ZNF823: variants seen among roughly 807,000 people sequenced by gnomAD.
ZNF823 encodes zinc finger protein 823, also known as ZFP 36 for a zinc finger protein.
A neutral mutation model predicts 11.4 loss-of-function variants in ZNF823; 5 were observed. That is an observed-to-expected ratio of 0.44 (90% CI 0.23 to 0.92). ZNF823 has a LOEUF of 0.92. Among genes scored for constraint, ZNF823 ranks in the 40% least tolerant of loss-of-function variants. The probability of loss-of-function intolerance (pLI) is 0.24; values close to 1 mark genes in which losing one functional copy is unlikely to be tolerated. For synonymous variants in ZNF823, 234 were observed against 250.5 expected, an observed-to-expected ratio of 0.93 and a Z score of 0.62; for missense variants, 582 against 738.5, an observed-to-expected ratio of 0.79 and a Z score of 2.46.
chr19:11,734,962 GT>G (rs1487310036), intron 1 of ZNF823, among the ~76,000 whole-genome samples: 14 of 151,962 alleles, frequency 9.2e-5, no homozygotes, highest in African/African-American at 3.4e-4. Flanking sequence ...TTCTAATATT[GT>G]TTGCTCTTCA....
In ZNF823 at chr19:11,732,318, C is replaced by A. The variant is rs865813414; in HGVS notation, c.3+6499G>T. Among the ~76,000 whole-genome samples, 34 of 152,238 alleles carry A rather than the reference C, an allele frequency of 2.2e-4. No individual in the cohort carries two copies. The Middle Eastern group carries it at 0.017, about 76-fold the overall frequency. On this transcript the variant is annotated intron_variant, in intron 1 of 3. Coordinates refer to ENST00000341191, the MANE Select transcript of ZNF823 (RefSeq NM_001080493.4). ...CAGCCGGGACTACAGGCAACTGCCA[C>A]CACGCCCAGCTAATTTTTTTGTATT...
In ZNF823 at chr19:11,738,900, C is replaced by T. The variant is rs941847244; in HGVS notation, c.-81G>A. 5.2e-6 allele frequency: 8 copies of T among 1,527,516 alleles called. No individual in the cohort carries two copies. The highest frequency in any genetic ancestry group is 6.2e-6 in the Non-Finnish European group (7 of 1,133,902). The allele number at this position is 1,527,516 out of a possible 1,614,324, so 94.6% of individuals were successfully genotyped here. A position where few individuals can be genotyped will look rare whatever the true frequency, so the allele number is the denominator to read the frequency against. On this transcript the variant is annotated 5_prime_UTR_variant, in exon 1 of 4. Transcript: ENST00000341191. ...GCGACAGACGCTGATACAGACCTTC[C>T]AGGGCGTCTCTCTCTCAGCGCCAGA... is the stretch of plus-strand genomic sequence containing the variant.
intron 1 of ZNF823, among the ~76,000 whole-genome samples, chr19:11,733,489 T>A (rs769533973): frequency 8.6e-5 from 13 of 151,586 alleles, no homozygotes; most frequent in Non-Finnish European, 1.8e-4. Flanking sequence ...TCATCTGAGG[T>A]CAGGAGTTCA....
intron 1 of ZNF823, among the ~76,000 whole-genome samples, chr19:11,728,795 T>G (rs74181610): frequency 0.16 from 24,314 of 152,090 alleles, 2,017 homozygotes; most frequent in Middle Eastern, 0.21. Context: ...ATGTACATAT[T>G]AATCCAATTA....
rs2145206814 is a variant in ZNF823, at chr19:11,725,308, T to C, written c.23A>G (p.Asp8Gly). The C allele has an allele frequency of 6.2e-7, 1 of 1,614,038 alleles. No individual in the cohort carries two copies. The highest frequency in any genetic ancestry group is 1.3e-5 in the African/African-American group (1 of 75,032). Residue 8 changes from aspartate to glycine, a missense_variant, in exon 2 of 4, where the codon GAT becomes GGT. Physicochemically the swap from Asp to Gly is moderately conservative, Grantham distance 94. This residue lies in a region of ZNF823 where 429 missense variants were observed against 553.7 expected (regional missense o/e 0.77). Transcript: ENST00000341191. The part of the protein sequence containing the change: MDSVAFE[D>G]VAVNFTQEEW... The stretch of plus-strand genomic sequence containing the variant: ...CTCTTGTGTGAAGTTCACAGCCACA[T>C]CTTCAAAGGCCACTGAGTCCTGAAA...
rs1286104875 is a variant in ZNF823, at chr19:11,725,186, T to A, written c.130+15A>T. On this transcript the variant is annotated intron_variant, in intron 2 of 3. Coordinates refer to ENST00000341191, the MANE Select transcript of ZNF823 (RefSeq NM_001080493.4). ...GTCTCTAATTGACTAAGTGAAGAGA[T>A]GATGTCATCCTTACCTATACAGTCC... is the stretch of plus-strand genomic sequence containing the variant. The A allele has an allele frequency of 6.2e-7, 1 of 1,605,930 alleles. No homozygotes were observed. Among genetic ancestry groups the A allele is most frequent in the Non-Finnish European group, 8.5e-7 (1 of 1,177,596 alleles).
In ZNF823 at chr19:11,721,341, G is replaced by A. The variant is rs542992839; in HGVS notation, c.*360C>T. 5 of 178,140 alleles carry A rather than the reference G, an allele frequency of 2.8e-5. No homozygotes were observed. Among genetic ancestry groups the A allele is most frequent in the Admixed American group, 2.2e-4 (4 of 17,910 alleles). 11.0% of individuals were successfully genotyped at this position (178,140 alleles called of 1,614,324 possible). ...GGCCTGCAATGGTTGTGTCTGCATC[G>A]AACATGTAGAGACTATTTTTCTTGT... On this transcript the variant is annotated 3_prime_UTR_variant, in exon 4 of 4. Transcript: ENST00000341191.
intron 1 of ZNF823, among the ~76,000 whole-genome samples, chr19:11,738,009 C>T (rs908070820): frequency 2.0e-5 from 3 of 152,164 alleles, no homozygotes; most frequent in Non-Finnish European, 4.4e-5. Context: ...GGTGACCCTC[C>T]GTTGTCACCG....
At chr19:11,727,315 C>G (rs949221066) in intron 1 of ZNF823, among the ~76,000 whole-genome samples, 7 of 151,962 alleles carry the variant, frequency 4.6e-5, no homozygotes, top group Non-Finnish European at 7.4e-5. Flanking sequence ...TCGAGACCAT[C>G]CTGGCCAACA....
chr19:11,723,524 T>C (rs1239834561), intron 3 of ZNF823, among the ~76,000 whole-genome samples, 182 bp from the exon 4 acceptor site: 2 of 152,220 alleles, frequency 1.3e-5, no homozygotes, highest in Non-Finnish European at 2.9e-5. Context: ...AACAGTGATA[T>C]TCACATGGAG....
Position 11,722,038 on chromosome 19 carries a change from T to A in ZNF823, c.1496A>T (p.Tyr499Phe). ...GGCTTTTCTACATGTTTTACACTCA[T>A]AAGGTTTTTCTACTGTGTGGGTCCT... ...HKRTHTVEKP[Y>F]ECKTCRKAFS... is the part of the protein sequence containing the mutation. Residue 499 changes from tyrosine (Y) to phenylalanine (F), a missense_variant, in exon 4 of 4, where the codon TAT becomes TTT. Tyr to Phe is a conservative substitution (Grantham distance 22). Around this residue, in one of 3 missense-constraint regions of ZNF823, gnomAD observed 144 missense variants for 154.3 expected, o/e 0.93. Coordinates refer to ENST00000341191, the MANE Select transcript of ZNF823 (RefSeq NM_001080493.4). This position sits in a 1 kb window ranked among gnomAD's most constrained non-coding sequence, Gnocchi z 5.2. The A allele has an allele frequency of 6.2e-7, 1 of 1,613,660 alleles. No individual in the cohort carries two copies. Among genetic ancestry groups the A allele is most frequent in the East Asian group, 2.2e-5 (1 of 44,886 alleles).
intron 1 of ZNF823, among the ~76,000 whole-genome samples, chr19:11,727,828 T>C (rs1974819402): frequency 6.6e-6 from 1 of 152,148 alleles, no homozygotes; most frequent in South Asian, 2.1e-4. Context: ...ATTATTGCCT[T>C]TGTATTTTCC....
intron 1 of ZNF823, among the ~76,000 whole-genome samples, chr19:11,734,377 TAAC>T (rs1298167168): frequency 1.3e-5 from 2 of 152,140 alleles, no homozygotes; most frequent in African/African-American, 4.8e-5. Context: ...TTTAAACCTG[TAAC>T]AAGACCAAAA....
At chr19:11,723,811 C>T (rs1048266622) in intron 3 of ZNF823, among the ~76,000 whole-genome samples, 2 of 152,224 alleles carry the variant, frequency 1.3e-5, no homozygotes, top group African/African-American at 4.8e-5. Context: ...TCCTAAAGTG[C>T]TGGGATTACA....
chr19:11,727,553 C>T (rs1308043982), intron 1 of ZNF823, among the ~76,000 whole-genome samples: 1 of 151,844 alleles, frequency 6.6e-6, no homozygotes, highest in Non-Finnish European at 1.5e-5. Flanking sequence ...AAAAAAGAAA[C>T]CGCCCAAAAA....
At chr19:11,724,686 G>A (rs1257063773) in intron 2 of ZNF823, among the ~76,000 whole-genome samples, 1 of 151,298 alleles carries the variant, frequency 6.6e-6, no homozygotes, top group Non-Finnish European at 1.5e-5. Context: ...AGCCTCCCGA[G>A]TAGCTGGGGC....
intron 1 of ZNF823, among the ~76,000 whole-genome samples, chr19:11,728,402 A>G (rs375598816): frequency 6.6e-6 from 1 of 152,194 alleles, no homozygotes; most frequent in Non-Finnish European, 1.5e-5. Context: ...ATTATGGCAT[A>G]CTTTTCTTAT....
Position 11,722,077 on chromosome 19 carries a change from A to G in ZNF823, c.1457T>C (p.Leu486Pro). 1 of 1,612,426 alleles carries G rather than the reference A, an allele frequency of 6.2e-7. No individual in the cohort carries two copies. The highest frequency in any genetic ancestry group is 8.5e-7 in the Non-Finnish European group (1 of 1,179,616). The change falls in exon 4 of 4, where the codon CTT (leucine) becomes CCT (proline). Residue 486 changes from leucine (L) to proline (P), a missense_variant. By Grantham distance (98) the Leu-to-Pro change is moderately conservative. Coordinates refer to ENST00000341191, the MANE Select transcript of ZNF823 (RefSeq NM_001080493.4). The surrounding 1 kb of genome is among the most constrained non-coding windows in gnomAD (Gnocchi z 5.2). ...TGTGTGGGTCCTTTTATGTTGAGAA[A>G]GGTATTTGAAACAACTGAATGCTTT... ...CGKAFSCFKY[L>P]SQHKRTHTVE...
At chr19:11,731,102 C>T (rs1418253639) in intron 1 of ZNF823, among the ~76,000 whole-genome samples, 5 of 151,472 alleles carry the variant, frequency 3.3e-5, no homozygotes, top group Admixed American at 2.0e-4. Context: ...CACCTGAGGT[C>T]GGGAGTTCGA....
Sources: allele counts gnomAD v4.1 joint callset (sites outside exome capture counted in the v4.1 genomes callset), GRCh38; gene constraint gnomAD v4.1.1; regional missense constraint gnomAD v4.1.1; non-coding constraint Gnocchi (gnomAD v3.1); transcripts MANE v1.5; gene names NCBI Gene and HGNC (gene_info 2026-07-23, HGNC 2026-07-21).